The following GABRG3 variants were observed in gnomAD, a reference collection of about 807,000 sequenced individuals.
GABRG3 encodes gamma-aminobutyric acid type A receptor subunit gamma3.
Under a neutral mutation model 48.8 loss-of-function variants are expected in GABRG3, and 25 were observed. The observed-to-expected ratio is 0.51, with a 90% CI of 0.37 to 0.72. GABRG3 has a LOEUF of 0.72. GABRG3 is among the 30% of genes least tolerant of loss of function. GABRG3 has a pLI of 0.00. For missense variants in GABRG3, 394 were observed against 577.9 expected, an observed-to-expected ratio of 0.68 and a Z score of 3.26; for synonymous variants, 227 against 217.6, an observed-to-expected ratio of 1.04 and a Z score of -0.38.
chr15:27,181,399 G>T (rs1055822130), intron 3 of GABRG3, among the ~76,000 whole-genome samples: 2 of 152,200 alleles, frequency 1.3e-5, no homozygotes, highest in Admixed American at 1.3e-4. Context: ...ATTTGTATGA[G>T]ATTTCTATCC....
At chr15:27,196,936 C>G (rs940773506) in intron 3 of GABRG3, among the ~76,000 whole-genome samples, 14 of 152,184 alleles carry the variant, frequency 9.2e-5, no homozygotes, top group African/African-American at 3.4e-4. Context: ...AGTATTATTG[C>G]CATGCTTTAG....
chr15:27,395,568 T>C (rs1157634682), intron 5 of GABRG3, among the ~76,000 whole-genome samples: 1 of 152,204 alleles, frequency 6.6e-6, no homozygotes, highest in East Asian at 1.9e-4. Flanking sequence ...GAATTGAGAA[T>C]CTAGAAATTA....
At position 27,261,294 on chromosome 15, in the gene GABRG3, T is replaced by G. The variant is rs375709892; in HGVS notation, c.271-65515T>G. ...TTATATCCATATTGGGAAGACTGGT[T>G]TGATGTATTGGAGTCTAAAATTGAT... On this transcript the variant is annotated intron_variant, in intron 3 of 9. Transcript: ENST00000615808. Among the ~76,000 whole-genome samples, 30 of 152,122 alleles carry G rather than the reference T, an allele frequency of 2.0e-4. No homozygotes were observed. The East Asian group carries it at 5.6e-3, about 28-fold the overall frequency.
intron 3 of GABRG3, among the ~76,000 whole-genome samples, chr15:27,111,736 G>A (rs1170545211): frequency 6.6e-6 from 1 of 152,096 alleles, no homozygotes; most frequent in African/African-American, 2.4e-5. Context: ...ATGGGGTGGA[G>A]GGAGCATTCT....
At chr15:27,033,619 C>T (rs796302417) in intron 3 of GABRG3, among the ~76,000 whole-genome samples, 12 of 151,878 alleles carry the variant, frequency 7.9e-5, no homozygotes, top group South Asian at 2.1e-4. Context: ...CTAAAGGATA[C>T]GAATTATGTA....
intron 6 of GABRG3, among the ~76,000 whole-genome samples, chr15:27,518,369 C>CAAAAAAAAAA (rs3058095): frequency 7.9e-6 from 1 of 126,912 alleles, no homozygotes. Context: ...AACTCTGTCT[C>CAAAAAAAAAA]AAAAAAAAAA....
At chr15:27,235,647 A>G (rs1003885668) in intron 3 of GABRG3, among the ~76,000 whole-genome samples, 1 of 152,208 alleles carries the variant, frequency 6.6e-6, no homozygotes, top group Non-Finnish European at 1.5e-5. Flanking sequence ...GATTAATAAG[A>G]GAAAACAAAC....
At chr15:27,157,003 A>G (rs1898447570) in intron 3 of GABRG3, among the ~76,000 whole-genome samples, 1 of 152,232 alleles carries the variant, frequency 6.6e-6, no homozygotes, top group African/African-American at 2.4e-5. Context: ...GCAGAGTTGC[A>G]GGAGATGAAG....
intron 2 of GABRG3, among the ~76,000 whole-genome samples, chr15:26,991,131 A>G (rs1895240947): frequency 6.6e-6 from 1 of 152,210 alleles, no homozygotes; most frequent in Non-Finnish European, 1.5e-5. Context: ...ATTCTTCTGC[A>G]TATGAATATC....
intron 3 of GABRG3, among the ~76,000 whole-genome samples, chr15:27,284,267 A>G (rs1891535504): frequency 6.6e-6 from 1 of 152,228 alleles, no homozygotes; most frequent in Admixed American, 6.5e-5. Flanking sequence ...GATGTTACGA[A>G]TCACAGAAAA....
At chr15:27,454,120 T>A (rs1889191404) in intron 5 of GABRG3, among the ~76,000 whole-genome samples, 1 of 152,148 alleles carries the variant, frequency 6.6e-6, no homozygotes, top group Non-Finnish European at 1.5e-5. Flanking sequence ...TTGCACAAGG[T>A]CAATTTGGGG....
chr15:27,512,714 G>T (rs981404930), intron 6 of GABRG3, among the ~76,000 whole-genome samples: 5 of 152,224 alleles, frequency 3.3e-5, no homozygotes, highest in African/African-American at 7.2e-5. Flanking sequence ...GAGAAGAAAA[G>T]AACTCACAAA....
intron 3 of GABRG3, among the ~76,000 whole-genome samples, chr15:27,305,671 CTA>C (rs1325730165): frequency 4.1e-5 from 4 of 97,112 alleles, no homozygotes; most frequent in African/African-American, 1.1e-4. Flanking sequence ...TAATATAAAC[CTA>C]TATGTTTATA....
intron 2 of GABRG3, among the ~76,000 whole-genome samples, chr15:27,019,292 A>G (rs565173320): frequency 1.3e-4 from 20 of 151,868 alleles, no homozygotes; most frequent in Admixed American, 2.0e-4. Context: ...GGATGGTCTC[A>G]ATCTCCTGAC....
chr15:27,128,396 A>G lies in GABRG3; in HGVS notation c.270+101575A>G, dbSNP rs930330887. Among the ~76,000 whole-genome samples the G allele has an allele frequency of 5.9e-5, 9 of 152,168 alleles. 1 individual carries two copies. Among genetic ancestry groups the G allele is most frequent in the Admixed American group, 5.9e-4 (9 of 15,278 alleles). ...GAGTCAGTGCTTTAAGACTTATCTC[A>G]GGTACCGGAATTATTTAAAATAATT... On this transcript the variant is annotated intron_variant, in intron 3 of 9. Transcript: ENST00000615808.
intron 3 of GABRG3, among the ~76,000 whole-genome samples, chr15:27,112,247 T>C (rs1897564515): frequency 6.6e-6 from 1 of 152,102 alleles, no homozygotes; most frequent in African/African-American, 2.4e-5. Flanking sequence ...TAACAGTGTT[T>C]TCCGGTGACT....
intron 3 of GABRG3, among the ~76,000 whole-genome samples, chr15:27,137,783 G>A (rs988940390): frequency 2.0e-5 from 3 of 152,150 alleles, no homozygotes; most frequent in African/African-American, 7.2e-5. Context: ...ATATTCTGTG[G>A]CAAATGCTCA....
intron 3 of GABRG3, among the ~76,000 whole-genome samples, chr15:27,040,589 A>G (rs1374252585): frequency 6.6e-6 from 1 of 152,208 alleles, no homozygotes; most frequent in Non-Finnish European, 1.5e-5. Context: ...GTGATTTGCA[A>G]TCACTCACCT....
At chr15:27,332,537 A>T (rs1411006269) in intron 5 of GABRG3, among the ~76,000 whole-genome samples, 2 of 152,130 alleles carry the variant, frequency 1.3e-5, no homozygotes, top group East Asian at 3.9e-4. Context: ...CTGTCTAAAA[A>T]AAAGAAAAAG....
Sources: gnomAD v4.1 joint callset for allele counts (sites outside exome capture counted in the v4.1 genomes callset) on GRCh38, gnomAD v4.1.1 for gene constraint, MANE v1.5 for transcripts, NCBI Gene and HGNC (gene_info 2026-07-23, HGNC 2026-07-21) for gene names.